The following GNAI1 variants were observed in gnomAD, a reference collection of about 807,000 sequenced individuals.
GNAI1 encodes G protein subunit alpha i1.
In GNAI1, 11 loss-of-function variants were observed where a neutral mutation model predicts 38.9. The observed-to-expected ratio is 0.28, with a 90% CI of 0.18 to 0.47. The LOEUF (loss-of-function observed/expected upper bound fraction) is 0.47. GNAI1 is among the 20% of genes least tolerant of loss of function. GNAI1 has a pLI of 0.99. For synonymous variants in GNAI1, 166 were observed against 145.1 expected (o/e 1.14, Z -1.04); for missense variants, 317 against 436.9 (o/e 0.73, Z 2.45).
chr7:80,220,716 G>A lies in GNAI1; in HGVS notation c.*3223G>A, dbSNP rs1446064932. On this transcript the variant is annotated 3_prime_UTR_variant, in exon 8 of 8. Transcript: ENST00000649796. ...CATATGTTCTCATTGAATACTGACA[G>A]TAACTAGAGATCAAAAAAGGCTTAA... Among the ~76,000 whole-genome samples the A allele has an allele frequency of 2.0e-5, 3 of 152,164 alleles. No homozygotes were observed. Among genetic ancestry groups the A allele is most frequent in the African/African-American group, 4.8e-5 (2 of 41,432 alleles).
chr7:80,202,844 A>G (rs1788713146), intron 4 of GNAI1, among the ~76,000 whole-genome samples: 1 of 152,188 alleles, frequency 6.6e-6, no homozygotes, highest in Non-Finnish European at 1.5e-5. Context: ...TCCAAGAAAG[A>G]CCATGCAACT....
chr7:80,142,586 G>A (rs893514007), intron 1 of GNAI1, among the ~76,000 whole-genome samples: 1 of 152,194 alleles, frequency 6.6e-6, no homozygotes, highest in African/African-American at 2.4e-5. Context: ...CATCTGATGG[G>A]ATGGCACATA....
rs768641098 is a variant in GNAI1 at position 80,199,287 on chromosome 7, A to G, written c.366A>G (p.Glu122=). 1.2e-6 allele frequency: 2 copies of G among 1,613,632 alleles called. No homozygotes were observed. Among genetic ancestry groups the G allele is most frequent in the Admixed American group, 3.3e-5 (2 of 60,008 alleles). ...CTGAAGAAGGCTTTATGACTGCAGA[A>G]CTTGCTGGAGTTATAAAGAGATTGT... ...GAAEEGFMTA[E]LAGVIKRLWK... is the part of the protein sequence containing the mutation. The change falls in exon 4 of 8, where the codon GAA becomes GAG. Residue 122 remains glutamate (E), a synonymous_variant. Coordinates refer to ENST00000649796, the MANE Select transcript of GNAI1 (RefSeq NM_002069.6).
chr7:80,150,544 C>G (rs993828144), intron 1 of GNAI1, among the ~76,000 whole-genome samples: 1 of 152,078 alleles, frequency 6.6e-6, no homozygotes, highest in African/African-American at 2.4e-5. Flanking sequence ...TAAATAAATG[C>G]AGGGAGAGGA....
At chr7:80,203,275 T>G (rs1244550498) in intron 4 of GNAI1, among the ~76,000 whole-genome samples, 1 of 152,180 alleles carries the variant, frequency 6.6e-6, no homozygotes, top group Non-Finnish European at 1.5e-5. Context: ...CATCACTACT[T>G]GCTCCAAAAT....
intron 4 of GNAI1, among the ~76,000 whole-genome samples, chr7:80,203,241 C>T (rs1201773636): frequency 1.3e-5 from 2 of 152,116 alleles, no homozygotes; most frequent in Non-Finnish European, 2.9e-5. Flanking sequence ...AGAAACATCT[C>T]GTTCAGCCTT....
At chr7:80,175,364 ATGTGTGTGTG>A (rs71518972) in intron 1 of GNAI1, among the ~76,000 whole-genome samples, 1 of 150,372 alleles carries the variant, frequency 6.7e-6, no homozygotes, top group Non-Finnish European at 1.5e-5. Flanking sequence ...GTGTATATTT[ATGTGTGTGTG>A]TGTGTGTGTG....
At chr7:80,213,401 A>G (rs1288570836) in intron 7 of GNAI1, among the ~76,000 whole-genome samples, 4 of 152,338 alleles carry the variant, frequency 2.6e-5, no homozygotes, top group South Asian at 2.1e-4. Context: ...TAATTTTACT[A>G]TGATGGAAAA....
chr7:80,139,089 A>G (rs981861928), intron 1 of GNAI1, among the ~76,000 whole-genome samples: 2 of 152,056 alleles, frequency 1.3e-5, no homozygotes, highest in African/African-American at 4.8e-5. Context: ...CCTTGAATAA[A>G]CGGATCCGGT....
At chr7:80,190,920 T>G (rs1057370683) in intron 3 of GNAI1, among the ~76,000 whole-genome samples, 3 of 152,174 alleles carry the variant, frequency 2.0e-5, no homozygotes, top group Admixed American at 6.5e-5. Flanking sequence ...GGGCGTAGTT[T>G]CAAGACTGGA....
intron 1 of GNAI1, among the ~76,000 whole-genome samples, chr7:80,163,698 A>G (rs1787962382): frequency 6.6e-6 from 1 of 152,214 alleles, no homozygotes; most frequent in Admixed American, 6.5e-5. Flanking sequence ...ATTCTGTTGC[A>G]TATAATCCAC....
chr7:80,200,631 A>G (rs1243563382), intron 4 of GNAI1, among the ~76,000 whole-genome samples: 1 of 152,132 alleles, frequency 6.6e-6, no homozygotes, highest in African/African-American at 2.4e-5. Context: ...CCTCCTGAAG[A>G]GCGAATTATT....
At chr7:80,173,425 CT>C (rs1428233688) in intron 1 of GNAI1, among the ~76,000 whole-genome samples, 1 of 152,136 alleles carries the variant, frequency 6.6e-6, no homozygotes, top group Non-Finnish European at 1.5e-5. Flanking sequence ...TCCTGAGCCC[CT>C]ATATTCTGAT....
chr7:80,158,572 C>T (rs1192091878), intron 1 of GNAI1, among the ~76,000 whole-genome samples: 1 of 152,130 alleles, frequency 6.6e-6, no homozygotes, highest in African/African-American at 2.4e-5. Flanking sequence ...CACTTCTCTT[C>T]CTGCTGCTAT....
At chr7:80,160,643 G>A (rs1240908798) in intron 1 of GNAI1, among the ~76,000 whole-genome samples, 1 of 152,118 alleles carries the variant, frequency 6.6e-6, no homozygotes, top group Non-Finnish European at 1.5e-5. Context: ...CTGTTTGCCA[G>A]TGTATTATCT....
chr7:80,218,463 TA>T lies in GNAI1; in HGVS notation c.*972del, dbSNP rs979109335. 2 of 152,062 alleles carry T rather than the reference TA, an allele frequency of 1.3e-5. No individual in the cohort carries two copies. Among genetic ancestry groups the T allele is most frequent in the African/African-American group, 4.8e-5 (2 of 41,434 alleles). The allele number at this position is 152,062 out of a possible 1,614,324, so 9.4% of individuals were successfully genotyped here. On this transcript the variant is annotated 3_prime_UTR_variant, in exon 8 of 8. Transcript: ENST00000649796. ...TGGGTAAAAAAAAAACCTGTGGACA[TA>T]ATGAATTTTGAGACATTGATTGGTG...
intron 1 of GNAI1, among the ~76,000 whole-genome samples, chr7:80,156,937 A>G (rs973050537): frequency 2.6e-5 from 4 of 152,214 alleles, no homozygotes; most frequent in South Asian, 2.1e-4. Flanking sequence ...ATTTGTTAAA[A>G]TGGATGAACC....
At chr7:80,204,382 C>T (rs747698694) in intron 5 of GNAI1, among the ~76,000 whole-genome samples, 5 of 151,948 alleles carry the variant, frequency 3.3e-5, no homozygotes, top group African/African-American at 4.8e-5. Context: ...AGAAAAGCAC[C>T]GAATCGTAGT....
chr7:80,209,243 TCA>T (rs1460305623), intron 5 of GNAI1, among the ~76,000 whole-genome samples: 1 of 152,186 alleles, frequency 6.6e-6, no homozygotes, highest in Non-Finnish European at 1.5e-5. Flanking sequence ...TCATCAGTAT[TCA>T]CCAGAAAAGC....
Sources: gnomAD v4.1 joint callset for allele counts (sites outside exome capture counted in the v4.1 genomes callset) on GRCh38, gnomAD v4.1.1 for gene constraint, MANE v1.5 for transcripts, NCBI Gene and HGNC (gene_info 2026-07-23, HGNC 2026-07-21) for gene names.